The following GRM5 variants were observed in gnomAD, a reference collection of about 807,000 sequenced individuals.
GRM5 encodes metabotropic glutamate receptor 5.
Under a neutral mutation model 83.1 loss-of-function variants are expected in GRM5, and 19 were observed. The ratio of observed to expected loss-of-function variants is 0.23; its 90% CI spans 0.16 to 0.34. The LOEUF is 0.34. GRM5 is among the 10% of genes least tolerant of loss of function. GRM5 has a pLI of 1.00. For missense variants in GRM5, 1,160 were observed against 1,588.3 expected, an observed-to-expected ratio of 0.73 and a Z score of 4.58; for synonymous variants, 675 against 633.6, an observed-to-expected ratio of 1.07 and a Z score of -0.98.
chr11:88,921,469 C>T (rs1336162217), intron 2 of GRM5, among the ~76,000 whole-genome samples: 1 of 151,648 alleles, frequency 6.6e-6, no homozygotes, highest in African/African-American at 2.4e-5. Flanking sequence ...TAAAAAACAA[C>T]AACAAAAAAA....
At chr11:88,970,233 G>T (rs575389647) in intron 2 of GRM5, among the ~76,000 whole-genome samples, 12 of 152,198 alleles carry the variant, frequency 7.9e-5, no homozygotes, top group Admixed American at 2.6e-4. Context: ...CAAGATAAAT[G>T]GATGCTTTTT....
chr11:88,838,892 CACACACACACACAT>C (rs1490126089), intron 3 of GRM5, among the ~76,000 whole-genome samples: 1 of 151,788 alleles, frequency 6.6e-6, no homozygotes, highest in African/African-American at 2.4e-5. Flanking sequence ...CACACACACA[CACACACACACACAT>C]ACACACACAA....
rs1362653527 is a variant in GRM5 at position 88,649,046 on chromosome 11, CATAATATATAATATATATATT to C, written c.1147+4101_1147+4121del. Among the ~76,000 whole-genome samples, 24 of 144,270 alleles carry C rather than the reference CATAATATATAATATATATATT, an allele frequency of 1.7e-4. No homozygotes were observed. In the East Asian group the frequency reaches 4.5e-3, roughly 27 times the overall value. 94.6% of individuals were successfully genotyped at this position (144,270 alleles called of 152,430 possible). On this transcript the variant is annotated intron_variant, in intron 4 of 9. Coordinates refer to ENST00000305447, the MANE Select transcript of GRM5 (RefSeq NM_001143831.3). ...ATTATGGTCATTAAAACTTAATATA[CATAATATATAATATATATATT>C]ATAATATATAATACATATATTAAAA... is the stretch of plus-strand genomic sequence containing the variant.
chr11:88,663,698 G>A (rs1040668233), intron 3 of GRM5, among the ~76,000 whole-genome samples: 3 of 152,120 alleles, frequency 2.0e-5, no homozygotes, highest in Non-Finnish European at 2.9e-5. Context: ...TGGGACTAGT[G>A]CTTAGAGTTT....
intron 8 of GRM5, among the ~76,000 whole-genome samples, chr11:88,549,322 AG>A (rs1165776640): frequency 6.6e-6 from 1 of 151,800 alleles, no homozygotes; most frequent in Non-Finnish European, 1.5e-5. Context: ...AAAATTAGCC[AG>A]GTGTGGTGGC....
At chr11:88,846,836 T>A (rs1944310466) in intron 3 of GRM5, among the ~76,000 whole-genome samples, 1 of 152,010 alleles carries the variant, frequency 6.6e-6, no homozygotes, top group Non-Finnish European at 1.5e-5. Flanking sequence ...TAAATAAAAA[T>A]TTTCAGGAGG....
At chr11:88,760,270 C>A (rs1368177241) in intron 3 of GRM5, among the ~76,000 whole-genome samples, 2 of 151,966 alleles carry the variant, frequency 1.3e-5, no homozygotes, top group Admixed American at 1.3e-4. Flanking sequence ...TTCAAAAGAT[C>A]AATGAATTGG....
chr11:89,054,849 A>G (rs781243743), intron 1 of GRM5, among the ~76,000 whole-genome samples: 1 of 152,252 alleles, frequency 6.6e-6, no homozygotes, highest in Non-Finnish European at 1.5e-5. Context: ...AAACATATAC[A>G]TTGACATTAA....
At chr11:88,970,695 T>C (rs1003437537) in intron 2 of GRM5, among the ~76,000 whole-genome samples, 1 of 152,192 alleles carries the variant, frequency 6.6e-6, no homozygotes, top group Admixed American at 6.5e-5. Flanking sequence ...GAGTGTCACA[T>C]ATCTGGAATC....
At chr11:88,855,391 G>T (rs1751655716) in intron 2 of GRM5, among the ~76,000 whole-genome samples, 1 of 151,506 alleles carries the variant, frequency 6.6e-6, no homozygotes, top group African/African-American at 2.4e-5. Flanking sequence ...TTTCTACATG[G>T]AATACATTTT....
At chr11:88,967,999 C>T (rs979659562) in intron 2 of GRM5, among the ~76,000 whole-genome samples, 1 of 152,078 alleles carries the variant, frequency 6.6e-6, no homozygotes, top group African/African-American at 2.4e-5. Flanking sequence ...CTTCCCCTTC[C>T]TTTGAATTCG....
At chr11:88,951,425 C>A (rs1479845936) in intron 2 of GRM5, among the ~76,000 whole-genome samples, 1 of 152,194 alleles carries the variant, frequency 6.6e-6, no homozygotes, top group Non-Finnish European at 1.5e-5. Context: ...TGCAAGTGTG[C>A]AGGTTATATG....
intron 2 of GRM5, among the ~76,000 whole-genome samples, chr11:89,043,078 C>T (rs912185753): frequency 6.6e-6 from 1 of 152,156 alleles, no homozygotes; most frequent in African/African-American, 2.4e-5. Context: ...TTTGACACCT[C>T]ATTTTTATAA....
At chr11:88,920,830 G>C (rs973227582) in intron 2 of GRM5, among the ~76,000 whole-genome samples, 2 of 152,108 alleles carry the variant, frequency 1.3e-5, no homozygotes, top group Non-Finnish European at 2.9e-5. Context: ...TGTTCTCTGA[G>C]AGCCCAGTGA....
chr11:88,896,179 G>T (rs1424003872), intron 2 of GRM5, among the ~76,000 whole-genome samples: 1 of 151,722 alleles, frequency 6.6e-6, no homozygotes. Flanking sequence ...TCTAGTAGAG[G>T]GTAGGCCAAG....
chr11:88,990,552 A>T (rs1210488945), intron 2 of GRM5, among the ~76,000 whole-genome samples: 1 of 151,044 alleles, frequency 6.6e-6, no homozygotes, highest in East Asian at 1.9e-4. Flanking sequence ...TGGCAGAGAC[A>T]CAACCAAAAA....
chr11:88,907,583 C>T (rs997557186), intron 2 of GRM5, among the ~76,000 whole-genome samples: 12 of 152,176 alleles, frequency 7.9e-5, no homozygotes, highest in South Asian at 2.1e-4. Context: ...TTTACTCATG[C>T]GAATATTAGA....
intron 3 of GRM5, among the ~76,000 whole-genome samples, chr11:88,845,728 C>CG (rs1404216138): frequency 1.3e-5 from 2 of 151,480 alleles, no homozygotes; most frequent in South Asian, 2.1e-4. Context: ...CCACCGCGCC[C>CG]CCCCCCACTT....
intron 2 of GRM5, among the ~76,000 whole-genome samples, chr11:88,887,915 G>C (rs1248226606): frequency 6.6e-6 from 1 of 152,094 alleles, no homozygotes; most frequent in East Asian, 1.9e-4. Context: ...GGCCAAAAGA[G>C]AATAATTCCC....
Sources: gnomAD v4.1 joint callset for allele counts (sites outside exome capture counted in the v4.1 genomes callset) on GRCh38, gnomAD v4.1.1 for gene constraint, MANE v1.5 for transcripts, NCBI Gene and HGNC (gene_info 2026-07-23, HGNC 2026-07-21) for gene names.